Variants in TUSC3 observed in about 807,000 individuals in gnomAD.
TUSC3 encodes the protein dolichyl-diphosphooligosaccharide--protein glycosyltransferase subunit TUSC3.
In TUSC3, 45 loss-of-function variants were observed where a neutral mutation model predicts 44.8. The ratio of observed to expected loss-of-function variants is 1.00; its 90% CI spans 0.79 to 1.29. The LOEUF is 1.29. TUSC3 is among the 50% of genes most tolerant of loss of function. TUSC3 has a pLI of 0.00. For missense variants in TUSC3, 519 were observed against 437.9 expected, an observed-to-expected ratio of 1.19 and a Z score of -1.65; for synonymous variants, 212 against 152.9, an observed-to-expected ratio of 1.39 and a Z score of -2.85.
intron 2 of TUSC3, among the ~76,000 whole-genome samples, chr8:15,643,068 TGAG>T (rs1218121587): frequency 3.3e-5 from 5 of 152,194 alleles, no homozygotes; most frequent in African/African-American, 1.2e-4. Context: ...TGATAGTGAG[TGAG>T]TCCTCACATG....
the TUSC3 span, among the ~76,000 whole-genome samples, chr8:15,833,051 C>G: frequency 1.4e-4 from 22 of 152,150 alleles, 1 homozygote; most frequent in East Asian, 4.1e-3. Flanking sequence ...AGGGAATGGA[C>G]ATGAACAGAC....
chr8:15,602,666 A>ATGTG (rs60206119), intron 1 of TUSC3, among the ~76,000 whole-genome samples: 4,943 of 145,900 alleles, frequency 0.034, 187 homozygotes, highest in East Asian at 0.21. Context: ...AAATATTTAT[A>ATGTG]TGTGTGTGTG....
At chr8:15,761,549 A>G (rs892418261) in intron 10 of TUSC3, among the ~76,000 whole-genome samples, 1 of 152,198 alleles carries the variant, frequency 6.6e-6, no homozygotes, top group African/African-American at 2.4e-5. Context: ...TTGACCATGC[A>G]TATATTCTCT....
intron 1 of TUSC3, among the ~76,000 whole-genome samples, chr8:15,577,280 G>T (rs1054162581): frequency 6.7e-6 from 1 of 148,544 alleles, no homozygotes; most frequent in South Asian, 2.2e-4. Flanking sequence ...CACTCTGATG[G>T]TAGTTTCTTT....
At chr8:15,511,256 G>A (rs1801132250) in intron 2 of TUSC3, among the ~76,000 whole-genome samples, 1 of 151,898 alleles carries the variant, frequency 6.6e-6, no homozygotes, top group African/African-American at 2.4e-5. Flanking sequence ...AGGGAGGAAG[G>A]GAAGAAAGGA....
At chr8:15,699,235 G>T (rs1809297378) in intron 6 of TUSC3, among the ~76,000 whole-genome samples, 1 of 144,848 alleles carries the variant, frequency 6.9e-6, no homozygotes, top group African/African-American at 2.6e-5. Flanking sequence ...ACTATTCAGT[G>T]AATTGTAATG....
intron 1 of TUSC3, among the ~76,000 whole-genome samples, chr8:15,466,599 AGTCTT>A: frequency 6.6e-6 from 1 of 152,290 alleles, no homozygotes; most frequent in South Asian, 2.1e-4. Context: ...GGAGACATTC[AGTCTT>A]GTCTTAAGTC....
chr8:15,517,255 G>C (rs1346613573), intron 2 of TUSC3, among the ~76,000 whole-genome samples: 1 of 152,060 alleles, frequency 6.6e-6, no homozygotes, highest in Non-Finnish European at 1.5e-5. Context: ...TAATTGATTT[G>C]TGTAGTGTTG....
the TUSC3 span, among the ~76,000 whole-genome samples, chr8:15,790,377 G>T: frequency 6.6e-6 from 1 of 151,834 alleles, no homozygotes; most frequent in South Asian, 2.1e-4. Context: ...TAGAGATAGG[G>T]TTTCACCATG....
chr8:15,794,139 G>A, the TUSC3 span, among the ~76,000 whole-genome samples: 6 of 152,150 alleles, frequency 3.9e-5, no homozygotes, highest in African/African-American at 1.4e-4. Flanking sequence ...ACTATGTAAT[G>A]CAGTAGAGAA....
intron 1 of TUSC3, among the ~76,000 whole-genome samples, chr8:15,427,694 T>G (rs1327828846): frequency 1.3e-5 from 2 of 151,524 alleles, no homozygotes; most frequent in African/African-American, 4.9e-5. Context: ...TCAGTCAAAT[T>G]CTTTGTTCTG....
At chr8:15,498,949 G>T (rs1329516385) in intron 2 of TUSC3, among the ~76,000 whole-genome samples, 3 of 152,062 alleles carry the variant, frequency 2.0e-5, no homozygotes, top group Non-Finnish European at 4.4e-5. Context: ...ACTGATACAG[G>T]TGCCTTTTAT....
At chr8:15,847,235 G>A in the TUSC3 span, among the ~76,000 whole-genome samples, 1 of 152,236 alleles carries the variant, frequency 6.6e-6, no homozygotes, top group East Asian at 1.9e-4. Context: ...TGAGACAGAA[G>A]AAAGAACAGG....
chr8:15,475,850 C>G (rs1800568010), intron 1 of TUSC3, among the ~76,000 whole-genome samples: 1 of 152,156 alleles, frequency 6.6e-6, no homozygotes, highest in Non-Finnish European at 1.5e-5. Flanking sequence ...TGCACTAATT[C>G]TCTTCCTCTG....
intron 1 of TUSC3, among the ~76,000 whole-genome samples, chr8:15,548,956 T>C (rs1801963781): frequency 6.6e-6 from 1 of 151,822 alleles, no homozygotes; most frequent in South Asian, 2.1e-4. Flanking sequence ...TTTCCATGTG[T>C]TTCTTTTAGT....
chr8:15,788,744 G>A, the TUSC3 span, among the ~76,000 whole-genome samples: 1 of 152,048 alleles, frequency 6.6e-6, no homozygotes, highest in South Asian at 2.1e-4. Context: ...TGCCAAGAAT[G>A]CTGTAGGTTC....
intron 1 of TUSC3, among the ~76,000 whole-genome samples, chr8:15,544,070 A>G (rs779242892): frequency 1.3e-5 from 2 of 152,142 alleles, no homozygotes; most frequent in Non-Finnish European, 2.9e-5. Flanking sequence ...GGCAAAGAAG[A>G]TTGGAAATTT....
In TUSC3 at chr8:15,565,750, C is replaced by G. The variant is rs1432651220; in HGVS notation, c.138+25182C>G. ...ACTGAAGTCTGATACAAAGCTCTTT[C>G]CCTATAACTAGGTTGAGAATGTAAA... On this transcript the variant is annotated intron_variant, in intron 1 of 10. Coordinates refer to ENST00000503731, the MANE Select transcript of TUSC3 (RefSeq NM_006765.4). Among the ~76,000 whole-genome samples the G allele has an allele frequency of 2.6e-5, 4 of 152,016 alleles. No homozygotes were observed. In the East Asian group the frequency reaches 5.8e-4, roughly 22 times the overall value.
chr8:15,537,790 G>C (rs1163349898), upstream of TUSC3, among the ~76,000 whole-genome samples: 1 of 152,182 alleles, frequency 6.6e-6, no homozygotes, highest in African/African-American at 2.4e-5. Flanking sequence ...ATTACCACAA[G>C]TTGGGGAGAG....
Sources: gnomAD v4.1 joint callset for allele counts (sites outside exome capture counted in the v4.1 genomes callset) on GRCh38, gnomAD v4.1.1 for gene constraint, MANE v1.5 for transcripts, NCBI Gene and HGNC (gene_info 2026-07-23, HGNC 2026-07-21) for gene names.